MTIF3: variants seen among roughly 807,000 people sequenced by gnomAD.
MTIF3 encodes translation initiation factor IF-3, mitochondrial.
Under a neutral mutation model 20.7 loss-of-function variants are expected in MTIF3, and 13 were observed. The observed-to-expected ratio is 0.63, with a 90% CI of 0.41 to 1.00. The LOEUF (loss-of-function observed/expected upper bound fraction) is 1.00, where lower values mean the gene tolerates loss of function less well. Among genes scored for constraint, MTIF3 ranks in the 50% least tolerant of loss-of-function variants. MTIF3 has a pLI of 0.00. For synonymous variants in MTIF3, 114 were observed against 112.5 expected, an observed-to-expected ratio of 1.01 and a Z score of -0.08; for missense variants, 295 against 324.5, an observed-to-expected ratio of 0.91 and a Z score of 0.70.
chr13:27,444,804 C>A (rs766169719), intron 2 of MTIF3, among the ~76,000 whole-genome samples: 2 of 152,132 alleles, frequency 1.3e-5, no homozygotes, highest in African/African-American at 4.8e-5. Context: ...AATTAAAAAA[C>A]GTTCCTTTAT....
At chr13:27,436,574 A>T (rs1953762765) in intron 4 of MTIF3, among the ~76,000 whole-genome samples, 1 of 152,136 alleles carries the variant, frequency 6.6e-6, no homozygotes, top group Admixed American at 6.5e-5. Context: ...ACAATTTATA[A>T]AACAATAGTA....
In MTIF3 at chr13:27,442,954, G is replaced by A. The variant is rs552758888; in HGVS notation, c.-2+2134C>T. ...ATTTTGTTCACTGCTGTGTTCCCCG[G>A]CACTACAGCTCAGAGCCTGGCTCAG... On this transcript the variant is annotated intron_variant, in intron 2 of 4. Coordinates refer to ENST00000381120, the MANE Select transcript of MTIF3 (RefSeq NM_152912.5). Among the ~76,000 whole-genome samples the A allele has an allele frequency of 7.2e-4, 110 of 152,292 alleles. 2 individuals carry two copies. Among genetic ancestry groups the A allele is most frequent in the African/African-American group, 2.6e-3 (107 of 41,560 alleles).
At chr13:27,436,765 T>TC (rs1953775153) in intron 4 of MTIF3, among the ~76,000 whole-genome samples, 1 of 146,242 alleles carries the variant, frequency 6.8e-6, no homozygotes, top group Non-Finnish European at 1.5e-5. Context: ...TTTTTTTTTT[T>TC]TTTTGAGACG....
chr13:27,442,214 G>A (rs1014559101), intron 2 of MTIF3, among the ~76,000 whole-genome samples: 1 of 152,250 alleles, frequency 6.6e-6, no homozygotes, highest in Admixed American at 6.5e-5. Flanking sequence ...TCTTCTGGTT[G>A]CTCAGGCCAA....
chr13:27,446,206 AC>A (rs541366137), intron 1 of MTIF3, among the ~76,000 whole-genome samples: 70 of 152,142 alleles, frequency 4.6e-4, no homozygotes, highest in Non-Finnish European at 7.9e-4. Context: ...ACAGGTGTGC[AC>A]CACTACCGCC....
intron 2 of MTIF3, among the ~76,000 whole-genome samples, chr13:27,443,422 T>G (rs1487356663): frequency 6.6e-6 from 1 of 152,246 alleles, no homozygotes; most frequent in African/African-American, 2.4e-5. Context: ...TCACTAGGTA[T>G]TCTGCTAGGG....
intron 2 of MTIF3, chr13:27,441,357 T>C (rs1471887389): frequency 2.0e-5 from 3 of 152,190 alleles, no homozygotes; most frequent in Non-Finnish European, 4.4e-5. Flanking sequence ...CATCTGATGG[T>C]ATATAGCAGA....
chr13:27,439,597 G>A (rs577165975), intron 3 of MTIF3, among the ~76,000 whole-genome samples: 1 of 152,158 alleles, frequency 6.6e-6, no homozygotes, highest in Non-Finnish European at 1.5e-5. Flanking sequence ...TGAGTGGCCC[G>A]GCAGAGGGCA....
chr13:27,447,198 CA>C (rs533396868), intron 1 of MTIF3, among the ~76,000 whole-genome samples: 79 of 84,176 alleles, frequency 9.4e-4, no homozygotes, highest in Non-Finnish European at 1.1e-3. Context: ...TGGGTTAGGC[CA>C]AAAAAAAAAA....
chr13:27,442,352 G>A (rs186164891), intron 2 of MTIF3, among the ~76,000 whole-genome samples: 3 of 152,200 alleles, frequency 2.0e-5, no homozygotes, highest in East Asian at 1.9e-4. Context: ...CCGCCGCGCC[G>A]CTCAACTGCA....
chr13:27,438,510 A>T (rs1183280996), intron 3 of MTIF3, among the ~76,000 whole-genome samples: 3 of 59,598 alleles, frequency 5.0e-5, no homozygotes, highest in African/African-American at 1.7e-4. Flanking sequence ...TTTTTTTTTT[A>T]AACACAGGGT....
intron 2 of MTIF3, among the ~76,000 whole-genome samples, chr13:27,443,233 A>G (rs187925025): frequency 6.6e-6 from 1 of 152,360 alleles, no homozygotes; most frequent in Admixed American, 6.5e-5. Flanking sequence ...TAGATGCTGT[A>G]AAGGCTCTAA....
At chr13:27,449,008 C>G (rs1954267580) in intron 1 of MTIF3, among the ~76,000 whole-genome samples, 1 of 152,078 alleles carries the variant, frequency 6.6e-6, no homozygotes, top group African/African-American at 2.4e-5. Context: ...GCACCGCACT[C>G]CAGCCTAAGC....
intron 3 of MTIF3, among the ~76,000 whole-genome samples, chr13:27,439,643 T>C (rs575885208): frequency 2.8e-4 from 43 of 152,188 alleles, no homozygotes; most frequent in Non-Finnish European, 6.0e-4. Flanking sequence ...TCTCACTCTG[T>C]TTCACCCCAT....
At chr13:27,439,284 C>T (rs1256671403) in intron 3 of MTIF3, among the ~76,000 whole-genome samples, 1 of 152,092 alleles carries the variant, frequency 6.6e-6, no homozygotes, top group East Asian at 1.9e-4. Context: ...TCACTTAAGG[C>T]CAGGAGTTCA....
At chr13:27,442,195 G>GC (rs1954027078) in intron 2 of MTIF3, among the ~76,000 whole-genome samples, 3 of 152,118 alleles carry the variant, frequency 2.0e-5, no homozygotes. Context: ...TCATGTAATT[G>GC]CAACACATTC....
intron 2 of MTIF3, among the ~76,000 whole-genome samples, chr13:27,443,487 G>A (rs919267010): frequency 6.6e-6 from 1 of 152,120 alleles, no homozygotes; most frequent in African/African-American, 2.4e-5. Flanking sequence ...TCTAAAATCA[G>A]TGTTGTTTCT....
intron 1 of MTIF3, among the ~76,000 whole-genome samples, chr13:27,445,733 T>C (rs1305490523): frequency 6.6e-6 from 1 of 152,188 alleles, no homozygotes; most frequent in East Asian, 1.9e-4. Context: ...GCACCTTCTA[T>C]TAAGCAGCTT....
chr13:27,447,993 C>CA (rs1037121230), intron 1 of MTIF3, among the ~76,000 whole-genome samples: 11 of 151,256 alleles, frequency 7.3e-5, no homozygotes, highest in East Asian at 3.9e-4. Context: ...ATTCTTGTAC[C>CA]AAAAAAAAGA....
Sources: gnomAD v4.1 joint callset for allele counts (sites outside exome capture counted in the v4.1 genomes callset) on GRCh38, gnomAD v4.1.1 for gene constraint, MANE v1.5 for transcripts, NCBI Gene and HGNC (gene_info 2026-07-23, HGNC 2026-07-21) for gene names.